The following LYPLA1 variants were observed in gnomAD, a reference collection of about 807,000 sequenced individuals.
LYPLA1 encodes the protein acyl-protein thioesterase 1.
In LYPLA1, 17 loss-of-function variants were observed where a neutral mutation model predicts 34.0. The observed-to-expected ratio is 0.50, with a 90% CI of 0.34 to 0.75. The LOEUF is 0.75. Ranked by LOEUF, LYPLA1 falls within the 30% of genes least tolerant of loss-of-function variation. The pLI, the probability that LYPLA1 is intolerant of heterozygous loss-of-function variation, is 0.01. For missense variants in LYPLA1, 203 were observed against 288.8 expected, an observed-to-expected ratio of 0.70 and a Z score of 2.15; for synonymous variants, 98 against 100.8, an observed-to-expected ratio of 0.97 and a Z score of 0.17.
intron 4 of LYPLA1, among the ~76,000 whole-genome samples, chr8:54,062,588 T>C (rs923596264): frequency 4.6e-5 from 7 of 152,122 alleles, no homozygotes; most frequent in African/African-American, 9.7e-5. Flanking sequence ...CTCTGCTCAC[T>C]GCAGCCTCCC....
chr8:54,083,286 A>G lies in LYPLA1; in HGVS notation c.102-17473T>C, dbSNP rs144811857. 1.4e-3 allele frequency among the ~76,000 whole-genome samples: 219 copies of G among 152,314 alleles called. 1 individual carries two copies. Among genetic ancestry groups the G allele is most frequent in the African/African-American group, 5.0e-3 (206 of 41,556 alleles). ...TAACAGGTAGCCCATAAGAACCCAC[A>G]GAAAAATCAAATGATGAATATTATC... On this transcript the variant is annotated intron_variant, in intron 2 of 8. Transcript: ENST00000316963.
chr8:54,089,853 C>T, intron 2 of LYPLA1, among the ~76,000 whole-genome samples: 1 of 152,106 alleles, frequency 6.6e-6, no homozygotes, highest in South Asian at 2.1e-4. Flanking sequence ...CAAAATCTTA[C>T]CTTGAATTGT....
intron 2 of LYPLA1, among the ~76,000 whole-genome samples, chr8:54,088,203 T>C (rs1808946365): frequency 6.6e-6 from 1 of 152,270 alleles, no homozygotes. Context: ...AGTACATTGA[T>C]TTCTTTATTA....
chr8:54,069,153 TGAAAG>T (rs1807287823), intron 2 of LYPLA1, among the ~76,000 whole-genome samples: 1 of 152,186 alleles, frequency 6.6e-6, no homozygotes, highest in Non-Finnish European at 1.5e-5. Flanking sequence ...AATATAATGA[TGAAAG>T]GAATAAATTC....
At chr8:54,048,249 G>A in intron 8 of LYPLA1, 131 bp from the exon 9 acceptor site, 1 of 609,652 alleles carries the variant, frequency 1.6e-6, no homozygotes, top group Non-Finnish European at 2.9e-6. Flanking sequence ...AATTAAATAA[G>A]ACAAAAGAGA....
intron 2 of LYPLA1, among the ~76,000 whole-genome samples, chr8:54,070,784 T>C (rs1455510037): frequency 6.6e-6 from 1 of 152,016 alleles, no homozygotes; most frequent in East Asian, 1.9e-4. Context: ...GATTCAACAA[T>C]GAGAAGGAAG....
chr8:54,053,781 G>A, intron 6 of LYPLA1: 2 of 454,896 alleles, frequency 4.4e-6, no homozygotes, highest in South Asian at 3.1e-5. Flanking sequence ...AGAGATGAGA[G>A]ATGGTGAGCA....
In LYPLA1 at chr8:54,092,113, G is replaced by C. The variant is rs1346585010; in HGVS notation, c.101+8795C>G. Among the ~76,000 whole-genome samples the C allele has an allele frequency of 3.3e-5, 5 of 151,030 alleles. No individual in the cohort carries two copies. In the East Asian group the frequency reaches 9.7e-4, roughly 29 times the overall value. On this transcript the variant is annotated intron_variant, in intron 2 of 8. Coordinates refer to ENST00000316963, the MANE Select transcript of LYPLA1 (RefSeq NM_006330.4). ...AGGAAAAGGAGAAGGAAGAGGGGGA[G>C]GGGGAGGCAGCGGCGGCAGAGGAGA...
chr8:54,076,478 T>C (rs533523934), intron 2 of LYPLA1, among the ~76,000 whole-genome samples: 3 of 152,252 alleles, frequency 2.0e-5, no homozygotes, highest in Non-Finnish European at 4.4e-5. Flanking sequence ...AAGCTGCCTT[T>C]GCTTTTATAT....
intron 2 of LYPLA1, among the ~76,000 whole-genome samples, chr8:54,072,453 T>C (rs575414720): frequency 3.5e-4 from 53 of 152,250 alleles, no homozygotes; most frequent in Non-Finnish European, 6.8e-4. Flanking sequence ...ACAAACATCC[T>C]GCAGATGGAA....
chr8:54,097,198 T>G (rs1809751281), intron 2 of LYPLA1, among the ~76,000 whole-genome samples: 1 of 152,224 alleles, frequency 6.6e-6, no homozygotes, highest in African/African-American at 2.4e-5. Flanking sequence ...GATACCACCT[T>G]AATCAAAAGA....
rs1805497969 is a variant in LYPLA1, at chr8:54,046,504, G to A, written c.*1561C>T. The A allele has an allele frequency of 6.6e-6, 1 of 152,564 alleles. No individual in the cohort carries two copies. The highest frequency in any genetic ancestry group is 2.1e-4 in the South Asian group (1 of 4,826). 9.5% of individuals were successfully genotyped at this position (152,564 alleles called of 1,614,324 possible). Reference sequence around the variant, plus strand: ...TAATATCTTGCTGATTTGTAGAAGTGAAATAACAGTTTATGTTCTTCAAGG... The same window carrying A: ...TAATATCTTGCTGATTTGTAGAAGTAAAATAACAGTTTATGTTCTTCAAGG... On this transcript the variant is annotated 3_prime_UTR_variant, in exon 9 of 9. Coordinates refer to ENST00000316963, the MANE Select transcript of LYPLA1 (RefSeq NM_006330.4).
intron 2 of LYPLA1, among the ~76,000 whole-genome samples, chr8:54,090,898 G>C (rs373529521): frequency 6.6e-6 from 1 of 152,236 alleles, no homozygotes; most frequent in South Asian, 2.1e-4. Context: ...CTCCCCCTTC[G>C]CTCAGCTCTC....
At chr8:54,072,360 T>C (rs913575453) in intron 2 of LYPLA1, among the ~76,000 whole-genome samples, 1 of 152,050 alleles carries the variant, frequency 6.6e-6, no homozygotes. Context: ...CAAAAGCAAC[T>C]GCAACAAAAA....
downstream of LYPLA1, chr8:54,045,741 AAT>A (rs1805459700): frequency 6.6e-6 from 1 of 152,234 alleles, no homozygotes; most frequent in Non-Finnish European, 1.5e-5. Context: ...TTATGACACT[AAT>A]TTAAAAAACC....
chr8:54,069,920 G>A (rs931566675), intron 2 of LYPLA1, among the ~76,000 whole-genome samples: 1 of 152,122 alleles, frequency 6.6e-6, no homozygotes, highest in African/African-American at 2.4e-5. Context: ...ATTAGAAAAT[G>A]CAAACCAAAA....
intron 2 of LYPLA1, among the ~76,000 whole-genome samples, chr8:54,091,699 TAA>T (rs1809295305): frequency 6.6e-6 from 1 of 152,166 alleles, no homozygotes; most frequent in Admixed American, 6.5e-5. Context: ...AGCCACTATC[TAA>T]AAGTGTGGTC....
chr8:54,049,431 ACT>A (rs1396811851), intron 8 of LYPLA1, among the ~76,000 whole-genome samples: 10 of 151,356 alleles, frequency 6.6e-5, no homozygotes, highest in African/African-American at 2.4e-4. Flanking sequence ...TTAGGGTCTC[ACT>A]CTGTCACTCA....
chr8:54,049,424 G>C (rs937271058), intron 8 of LYPLA1, among the ~76,000 whole-genome samples: 3 of 151,146 alleles, frequency 2.0e-5, no homozygotes, highest in Admixed American at 1.3e-4. Context: ...CTTTTTTTTA[G>C]GGTCTCACTC....
Sources: gnomAD v4.1 joint callset for allele counts (sites outside exome capture counted in the v4.1 genomes callset) on GRCh38, gnomAD v4.1.1 for gene constraint, MANE v1.5 for transcripts, NCBI Gene and HGNC (gene_info 2026-07-23, HGNC 2026-07-21) for gene names.